TCF25: variants seen among roughly 807,000 people sequenced by gnomAD.
TCF25 encodes the protein ribosome quality control complex subunit TCF25.
Under a neutral mutation model 83.1 loss-of-function variants are expected in TCF25, and 41 were observed. That is an observed-to-expected ratio of 0.49 (90% CI 0.38 to 0.64). TCF25 has a LOEUF of 0.64. Ranked by LOEUF, TCF25 falls within the 30% of genes least tolerant of loss-of-function variation. The pLI is 0.00. For missense variants in TCF25, 979 were observed against 914.5 expected (o/e 1.07, Z -0.91); for synonymous variants, 458 against 365.0 (o/e 1.25, Z -2.90).
intron 1 of TCF25, 61 bp from the exon 2 acceptor site, chr16:89,883,290 C>A: frequency 6.3e-7 from 1 of 1,582,860 alleles, no homozygotes. Context: ...CTATTCATAT[C>A]TCAGCATGAG....
chr16:89,906,355 G>A, intron 15 of TCF25, 71 bp downstream of exon 15: 1 of 1,504,472 alleles, frequency 6.6e-7, no homozygotes. Context: ...GCTCCGGGCG[G>A]TCCACATGCA....
intron 8 of TCF25, 21 bp downstream of exon 8, chr16:89,895,158 C>T: frequency 6.2e-7 from 1 of 1,606,224 alleles, no homozygotes; most frequent in Non-Finnish European, 8.5e-7. Flanking sequence ...GCCCCCACCC[C>T]ATTCCCCTCA....
Position 89,892,220 on chromosome 16 carries a change from C to G in TCF25, c.642C>G (p.Pro214=). ...CACGGCAGAGACAACGTGTGTACCC[C>G]AAGTGCACATGGCTGACCACCCCTA... is the stretch of plus-strand genomic sequence containing the variant. The part of the protein sequence containing the change: ...QRPRQRQRVY[P]KCTWLTTPKS... Residue 214 remains proline, a synonymous_variant, in exon 6 of 18, where the codon CCC becomes CCG. Coordinates refer to ENST00000263346, the MANE Select transcript of TCF25 (RefSeq NM_014972.3). 6.2e-7 allele frequency: 1 copy of G among 1,612,878 alleles called. No homozygotes were observed. Among genetic ancestry groups the G allele is most frequent in the South Asian group, 1.1e-5 (1 of 90,958 alleles).
chr16:89,896,479 G>T (rs1414375565), intron 9 of TCF25, among the ~76,000 whole-genome samples: 2 of 152,050 alleles, frequency 1.3e-5, no homozygotes, highest in Admixed American at 6.6e-5. Context: ...AGGCCGAGGT[G>T]GGAGGGTTGC....
intron 8 of TCF25, among the ~76,000 whole-genome samples, chr16:89,895,430 T>A (rs377269644): frequency 4.6e-5 from 7 of 152,216 alleles, no homozygotes; most frequent in African/African-American, 1.7e-4. Flanking sequence ...ATGGTCTCGA[T>A]CTCCTGACCT....
Position 89,900,451 on chromosome 16 carries a change from C to T in TCF25, c.1222-184C>T, listed in dbSNP as rs193039559. 1.3e-3 allele frequency among the ~76,000 whole-genome samples: 200 copies of T among 152,266 alleles called. 1 individual carries two copies. Among genetic ancestry groups the T allele is most frequent in the South Asian group, 7.9e-3 (38 of 4,824 alleles). On this transcript the variant is annotated intron_variant, in intron 11 of 17. Coordinates refer to ENST00000263346, the MANE Select transcript of TCF25 (RefSeq NM_014972.3). ...CCACGTCCTCTGTATCTTCTGCATG[C>T]GGAAAGCCCCCCAGGTGGACGTTTT...
chr16:89,885,845 T>C lies in TCF25; in HGVS notation c.430-3T>C, dbSNP rs774062136. ...GATTAAGAGGTTGTTTTGGGGCTTT[T>C]AGGAAAACGGACTAGAAGATATCGA... On this transcript the variant is annotated splice_polypyrimidine_tract_variant and splice_region_variant and intron_variant, in intron 3 of 17. Coordinates refer to ENST00000263346, the MANE Select transcript of TCF25 (RefSeq NM_014972.3). 50 of 1,602,502 alleles carry C rather than the reference T, an allele frequency of 3.1e-5. No individual in the cohort carries two copies. Among genetic ancestry groups the C allele is most frequent in the Non-Finnish European group, 4.1e-5 (48 of 1,170,138 alleles).
intron 2 of TCF25, 122 bp from the exon 3 acceptor site, chr16:89,884,460 T>G: frequency 3.2e-6 from 3 of 943,362 alleles, no homozygotes; most frequent in African/African-American, 1.7e-5. Flanking sequence ...AAGGAACTTT[T>G]GGGACACGGA....
chr16:89,899,758 A>T (rs928711619), intron 11 of TCF25, among the ~76,000 whole-genome samples: 8 of 151,872 alleles, frequency 5.3e-5, no homozygotes, highest in Non-Finnish European at 8.8e-5. Context: ...TTAAATTGAC[A>T]CCTGGGCTCC....
At position 89,907,296 on chromosome 16, in the gene TCF25, A is replaced by T. The variant is rs2044874066; in HGVS notation, c.1773A>T (p.Thr591=). ...MGFDPLPPSD[T]IYSYVRPERL... ...TTGATCCTCTGCCTCCTTCGGACAC[A>T]ATCTACTCCTACGTCAGGCCAGAGA... Residue 591 remains threonine (T), a synonymous_variant, in exon 16 of 18, where the codon ACA becomes ACT. Transcript: ENST00000263346. The T allele has an allele frequency of 6.3e-7, 1 of 1,596,924 alleles. No individual in the cohort carries two copies. The highest frequency in any genetic ancestry group is 1.1e-5 in the South Asian group (1 of 90,068).
chr16:89,887,415 T>C (rs1053263455), intron 4 of TCF25, among the ~76,000 whole-genome samples: 3 of 152,194 alleles, frequency 2.0e-5, no homozygotes, highest in African/African-American at 7.2e-5. Flanking sequence ...ACAGTGCCTC[T>C]TGACACAGCA....
intron 5 of TCF25, among the ~76,000 whole-genome samples, chr16:89,890,991 G>A (rs1325913016): frequency 6.6e-6 from 1 of 151,910 alleles, no homozygotes. Flanking sequence ...TCTCCTTCTG[G>A]TGGTTCTCTC....
In TCF25 at chr16:89,883,426, G is replaced by A; in HGVS notation, c.268G>A (p.Ala90Thr). Residue 90 changes from alanine (A) to threonine (T), a missense_variant, in exon 2 of 18, where the codon GCA (alanine) becomes ACA (threonine). Ala to Thr is a moderately conservative substitution (Grantham distance 58). Transcript: ENST00000263346. ...TGGCTGTGCGCTCACAGACGCTGTGGCACCAGGGAACAAAGGAAGGGGTCA... is the reference window on the plus strand; with the variant it reads ...TGGCTGTGCGCTCACAGACGCTGTGACACCAGGGAACAAAGGAAGGGGTCA... ...RSGCALTDAV[A>T]PGNKGRGQRG... 1 of 1,614,084 alleles carries A rather than the reference G, an allele frequency of 6.2e-7. No individual in the cohort carries two copies. The highest frequency in any genetic ancestry group is 1.1e-5 in the South Asian group (1 of 91,078).
chr16:89,897,856 T>C (rs1028957014), intron 9 of TCF25, among the ~76,000 whole-genome samples: 1 of 152,158 alleles, frequency 6.6e-6, no homozygotes, highest in African/African-American at 2.4e-5. Flanking sequence ...TGGCTCACGC[T>C]TGTAATCTCA....
intron 7 of TCF25, among the ~76,000 whole-genome samples, chr16:89,894,261 G>A (rs965489069): frequency 1.6e-4 from 23 of 147,230 alleles, no homozygotes; most frequent in East Asian, 4.0e-4. Context: ...GACGGCCCCC[G>A]CGCAGCCCCA....
intron 11 of TCF25, 23 bp from the exon 12 acceptor site, chr16:89,900,612 C>G: frequency 3.2e-6 from 5 of 1,563,262 alleles, no homozygotes; most frequent in Non-Finnish European, 4.4e-6. Flanking sequence ...AGGCTCCACG[C>G]TCTGTTTCTT....
At chr16:89,877,159 A>G (rs2042263574) in intron 1 of TCF25, among the ~76,000 whole-genome samples, 1 of 152,030 alleles carries the variant, frequency 6.6e-6, no homozygotes, top group Admixed American at 6.6e-5. Context: ...GGATTTGTCT[A>G]TTTCTACTTT....
At chr16:89,903,526 C>T (rs527394275) in intron 12 of TCF25, among the ~76,000 whole-genome samples, 1 of 152,116 alleles carries the variant, frequency 6.6e-6, no homozygotes, top group Non-Finnish European at 1.5e-5. Flanking sequence ...TAAAAATTAG[C>T]CGGGTGTGGT....
Position 89,898,770 on chromosome 16 carries a change from C to T in TCF25, c.1119C>T (p.Leu373=), listed in dbSNP as rs764293900. 1.2e-5 allele frequency: 20 copies of T among 1,613,832 alleles called. No individual in the cohort carries two copies. The highest frequency in any genetic ancestry group is 2.2e-5 in the South Asian group (2 of 91,076). Reference sequence around the variant, plus strand: ...CTCTCTGTGCTGCCTCCGGAAGTCTCGAGCCGGATGAGGACCCCCTCTGCA... The same window carrying T: ...CTCTCTGTGCTGCCTCCGGAAGTCTTGAGCCGGATGAGGACCCCCTCTGCA... ...ALEYCKLILS[L]EPDEDPLCML... Residue 373 remains leucine, a synonymous_variant, in exon 11 of 18, where the codon CTC becomes CTT. Transcript: ENST00000263346.
Sources: allele counts gnomAD v4.1 joint callset (sites outside exome capture counted in the v4.1 genomes callset), GRCh38; gene constraint gnomAD v4.1.1; transcripts MANE v1.5; gene names NCBI Gene and HGNC (gene_info 2026-07-23, HGNC 2026-07-21).